NT5C1B: variants seen among roughly 807,000 people sequenced by gnomAD.
NT5C1B encodes cytosolic 5'-nucleotidase 1B.
Under a neutral mutation model 57.8 loss-of-function variants are expected in NT5C1B, and 44 were observed. The observed-to-expected ratio is 0.76, with a 90% CI of 0.60 to 0.98. The LOEUF is 0.98. Among genes scored for constraint, NT5C1B ranks in the 50% least tolerant of loss-of-function variants. The probability of loss-of-function intolerance (pLI) is 0.00; values close to 1 mark genes in which losing one functional copy is unlikely to be tolerated. For missense variants in NT5C1B, 742 were observed against 719.5 expected (o/e 1.03, Z -0.36); for synonymous variants, 284 against 282.6 (o/e 1.00, Z -0.05).
intron 8 of NT5C1B, among the ~76,000 whole-genome samples, chr2:18,567,188 C>T (rs1190061752): frequency 2.0e-5 from 3 of 152,084 alleles, no homozygotes; most frequent in African/African-American, 7.2e-5. Flanking sequence ...CTTGATGGTA[C>T]AGGTGTGGAG....
At chr2:18,564,685 T>C (rs1482289599) in intron 8 of NT5C1B, among the ~76,000 whole-genome samples, 1 of 152,210 alleles carries the variant, frequency 6.6e-6, no homozygotes, top group Non-Finnish European at 1.5e-5. Context: ...AAATCTTATT[T>C]TTTAAAACAA....
At chr2:18,569,951 T>C (rs908255890) in intron 8 of NT5C1B, among the ~76,000 whole-genome samples, 5 of 152,122 alleles carry the variant, frequency 3.3e-5, no homozygotes, top group Admixed American at 3.3e-4. Flanking sequence ...ACCATATTCT[T>C]GGCATAAAAC....
chr2:18,579,706 C>T lies in NT5C1B; in HGVS notation c.1022-2811G>A, dbSNP rs188959744. ...GCCCTAGAGGAAAACCTAGGAAATACCATTCTGGACAGGCTTTGGCAAAGA... is the reference window on the plus strand; with the variant it reads ...GCCCTAGAGGAAAACCTAGGAAATATCATTCTGGACAGGCTTTGGCAAAGA... On this transcript the variant is annotated intron_variant, in intron 6 of 8. Transcript: ENST00000304081. Among the ~76,000 whole-genome samples the T allele has an allele frequency of 4.6e-5, 7 of 152,188 alleles. No homozygotes were observed. In the East Asian group the frequency reaches 1.4e-3, roughly 29 times the overall value.
chr2:18,584,849 C>G lies in NT5C1B; in HGVS notation c.388G>C (p.Asp130His). 1 of 1,608,340 alleles carries G rather than the reference C, an allele frequency of 6.2e-7. No homozygotes were observed. The highest frequency in any genetic ancestry group is 1.1e-5 in the South Asian group (1 of 90,798). Residue 130 changes from aspartate to histidine, a missense_variant, in exon 4 of 9, where the codon GAC becomes CAC. Transcript: ENST00000304081. This position sits in a 1 kb window ranked among gnomAD's most constrained non-coding sequence, Gnocchi z 5.8. ...TCTGGGGGCGTGGGAGGCCGCGAGTCCAGCGACCGGGGCAGCTGGGGCGAC... is the reference window on the plus strand; with the variant it reads ...TCTGGGGGCGTGGGAGGCCGCGAGTGCAGCGACCGGGGCAGCTGGGGCGAC...
At chr2:18,587,932 C>T (rs1031636858) in intron 1 of NT5C1B, among the ~76,000 whole-genome samples, 3 of 151,972 alleles carry the variant, frequency 2.0e-5, no homozygotes. Flanking sequence ...TTTTCTATTA[C>T]TCTGAAGATT....
In NT5C1B at chr2:18,584,783, T is replaced by G. The variant is rs1329972667; in HGVS notation, c.454A>C (p.Asn152His). The change falls in exon 4 of 9, where the codon AAT becomes CAT. Residue 152 changes from asparagine to histidine, a missense_variant. By Grantham distance (68) the Asn-to-His change is moderately conservative. Coordinates refer to ENST00000304081, the Ensembl canonical transcript of NT5C1B. The surrounding 1 kb of genome is among the most constrained non-coding windows in gnomAD (Gnocchi z 5.8). Reference sequence around the variant, plus strand: ...ATGCCTTGGGCCCAGGCCTCCGGATTCTCTTGCATTTTGGTGCTGCGCCGG... The same window carrying G: ...ATGCCTTGGGCCCAGGCCTCCGGATGCTCTTGCATTTTGGTGCTGCGCCGG... 6.2e-7 allele frequency: 1 copy of G among 1,613,486 alleles called. No homozygotes were observed. Among genetic ancestry groups the G allele is most frequent in the African/African-American group, 1.3e-5 (1 of 74,910 alleles).
chr2:18,586,676 T>C (rs1666740598), intron 2 of NT5C1B: 1 of 582,850 alleles, frequency 1.7e-6, no homozygotes, highest in Admixed American at 3.1e-5. Flanking sequence ...TGGATATTAG[T>C]ATGGTTCACC....
intron 8 of NT5C1B, 92 bp downstream of exon 8, chr2:18,576,092 C>T: frequency 7.4e-7 from 1 of 1,346,408 alleles, no homozygotes; most frequent in Non-Finnish European, 9.8e-7. Context: ...CCTAGAATAA[C>T]TTAAACATTC....
exon 9 of NT5C1B, chr2:18,563,707 C>T: frequency 2.2e-6 from 3 of 1,345,292 alleles, no homozygotes; most frequent in Non-Finnish European, 2.9e-6. Context: ...GTCCAATTTT[C>T]TGAAATACCT....
intron 2 of NT5C1B, chr2:18,586,876 C>T: frequency 6.6e-7 from 1 of 1,510,412 alleles, no homozygotes. Flanking sequence ...TTAGGAGAAA[C>T]AAGAATGAAG....
At chr2:18,577,443 A>AAAG (rs1665795119) in intron 6 of NT5C1B, among the ~76,000 whole-genome samples, 3 of 150,514 alleles carry the variant, frequency 2.0e-5, no homozygotes, top group Non-Finnish European at 4.4e-5. Flanking sequence ...AAAAAAAAAA[A>AAAG]AAGGCTCTAT....
exon 9 of NT5C1B, chr2:18,563,527 A>C (rs1483492563): frequency 6.6e-6 from 2 of 302,616 alleles, no homozygotes; most frequent in Non-Finnish European, 1.2e-5. Context: ...CAAATATTCA[A>C]GTTCTAAACT....
intron 8 of NT5C1B, among the ~76,000 whole-genome samples, chr2:18,573,824 A>C (rs1268463834): frequency 1.3e-5 from 2 of 152,150 alleles, no homozygotes; most frequent in African/African-American, 4.8e-5. Flanking sequence ...AAAAAATGGC[A>C]TGTTTTTTAA....
intron 2 of NT5C1B, 28 bp downstream of exon 2, chr2:18,587,475 C>T (rs770675320): frequency 6.2e-7 from 1 of 1,601,094 alleles, no homozygotes; most frequent in Non-Finnish European, 8.5e-7. Context: ...CCTTAATTTC[C>T]TCACCTCTGC....
In NT5C1B at chr2:18,570,389, A is replaced by G. The variant is rs542962641; in HGVS notation, c.1329+5795T>C. Among the ~76,000 whole-genome samples the G allele has an allele frequency of 3.9e-5, 6 of 152,162 alleles. No individual in the cohort carries two copies. In the South Asian group the frequency reaches 1.2e-3, roughly 32 times the overall value. On this transcript the variant is annotated intron_variant, in intron 8 of 8. Coordinates refer to ENST00000304081, the Ensembl canonical transcript of NT5C1B. Reference sequence around the variant, plus strand: ...AGAAAAGACACAAATTACTAGTATCAGAAATAAAAGTGGGGACACATCACT... The same window carrying G: ...AGAAAAGACACAAATTACTAGTATCGGAAATAAAAGTGGGGACACATCACT...
intron 6 of NT5C1B, among the ~76,000 whole-genome samples, chr2:18,578,638 C>T (rs146096333): frequency 7.2e-5 from 11 of 152,198 alleles, no homozygotes; most frequent in Non-Finnish European, 1.3e-4. Context: ...AAAAAACCCT[C>T]AGCATCAAAG....
exon 7 of NT5C1B, chr2:18,576,784 G>C (rs1337876228): frequency 6.2e-6 from 10 of 1,613,656 alleles, no homozygotes; most frequent in Non-Finnish European, 7.6e-6. Flanking sequence ...TTCTTGTATT[G>C]CCTCTTGCAC....
chr2:18,576,993 G>T (rs1017789498), intron 6 of NT5C1B, 98 bp from the exon 7 acceptor site: 2 of 1,562,372 alleles, frequency 1.3e-6, no homozygotes, highest in Non-Finnish European at 1.7e-6. Context: ...GAGTTTATTT[G>T]TAAATTCAAC....
At chr2:18,588,340 A>G (rs1666911932) in intron 1 of NT5C1B, among the ~76,000 whole-genome samples, 2 of 152,136 alleles carry the variant, frequency 1.3e-5, no homozygotes, top group Admixed American at 6.5e-5. Flanking sequence ...GATTAGTGTT[A>G]TTTATATGTT....
Sources: allele counts gnomAD v4.1 joint callset (sites outside exome capture counted in the v4.1 genomes callset), GRCh38; gene constraint gnomAD v4.1.1; non-coding constraint Gnocchi (gnomAD v3.1); transcripts MANE v1.5; gene names NCBI Gene and HGNC (gene_info 2026-07-23, HGNC 2026-07-21).